Variants in CD200R1 observed in about 807,000 individuals in gnomAD.
CD200R1 encodes CD200 receptor 1, also known as cell surface glycoprotein CD200 receptor 1.
A neutral mutation model predicts 38.1 loss-of-function variants in CD200R1; 30 were observed. That is an observed-to-expected ratio of 0.79 (90% confidence interval 0.59 to 1.07). The LOEUF (loss-of-function observed/expected upper bound fraction) is 1.07. CD200R1 is among the 50% of genes least tolerant of loss of function. The probability of loss-of-function intolerance (pLI) is 0.00; values close to 1 mark genes in which losing one functional copy is unlikely to be tolerated. For missense variants in CD200R1, 372 were observed against 415.4 expected, an observed-to-expected ratio of 0.90 and a Z score of 0.91; for synonymous variants, 128 against 152.1, an observed-to-expected ratio of 0.84 and a Z score of 1.16.
chr3:112,972,111 A>T (rs1392077833), intron 1 of CD200R1, among the ~76,000 whole-genome samples: 1 of 152,256 alleles, frequency 6.6e-6, no homozygotes, highest in African/African-American at 2.4e-5. Flanking sequence ...ACAGACATTA[A>T]TAAGGACTTT....
chr3:112,956,558 A>G (rs752785226), intron 1 of CD200R1, among the ~76,000 whole-genome samples: 14 of 152,008 alleles, frequency 9.2e-5, no homozygotes, highest in Non-Finnish European at 1.9e-4. Flanking sequence ...CTCTCTGGTG[A>G]TGTCATGTTT....
chr3:112,941,527 T>C (rs375481958), intron 2 of CD200R1, among the ~76,000 whole-genome samples: 3 of 151,624 alleles, frequency 2.0e-5, no homozygotes, highest in African/African-American at 7.2e-5. Flanking sequence ...TTCCATAATT[T>C]CTGAGATCAA....
intron 1 of CD200R1, among the ~76,000 whole-genome samples, chr3:112,956,400 C>A (rs1941101115): frequency 6.6e-6 from 1 of 151,580 alleles, no homozygotes; most frequent in African/African-American, 2.4e-5. Flanking sequence ...CTTTTCTGGC[C>A]ACTTAATATT....
At chr3:112,961,661 G>A (rs1933022784) in intron 1 of CD200R1, among the ~76,000 whole-genome samples, 1 of 151,928 alleles carries the variant, frequency 6.6e-6, no homozygotes, top group South Asian at 2.1e-4. Context: ...TCTGACTCTA[G>A]AGAGAATTTG....
intron 3 of CD200R1, among the ~76,000 whole-genome samples, chr3:112,930,407 T>C (rs376285863): frequency 1.3e-4 from 20 of 152,330 alleles, no homozygotes; most frequent in Middle Eastern, 3.4e-3. Context: ...ACAGATTTTA[T>C]TTCTGTATAT....
intron 2 of CD200R1, among the ~76,000 whole-genome samples, chr3:112,935,579 A>G (rs1940555389): frequency 6.6e-6 from 1 of 152,208 alleles, no homozygotes; most frequent in African/African-American, 2.4e-5. Flanking sequence ...GATACAGCAA[A>G]AGCAGCATTA....
intron 5 of CD200R1, among the ~76,000 whole-genome samples, chr3:112,927,351 G>T (rs564801591): frequency 1.3e-5 from 2 of 152,190 alleles, no homozygotes; most frequent in South Asian, 4.1e-4. Flanking sequence ...TGCAGAGCCT[G>T]AACAGCCCCA....
intron 5 of CD200R1, among the ~76,000 whole-genome samples, chr3:112,926,970 A>T (rs1471884385): frequency 1.3e-5 from 2 of 152,100 alleles, no homozygotes; most frequent in Admixed American, 6.6e-5. Context: ...ATAGAAGAAG[A>T]AGTATGTGGA....
intron 2 of CD200R1, among the ~76,000 whole-genome samples, chr3:112,933,042 A>T (rs1284255132): frequency 6.6e-6 from 1 of 152,110 alleles, no homozygotes; most frequent in Non-Finnish European, 1.5e-5. Flanking sequence ...CACCCCCAGG[A>T]ACTGAGAAAC....
At position 112,925,084 on chromosome 3, in the gene CD200R1, C is replaced by A. The variant is rs754459648; in HGVS notation, c.878+1G>T. On this transcript the variant is annotated splice_donor_variant, in intron 6 of 7. Coordinates refer to ENST00000308611, the MANE Select transcript of CD200R1 (RefSeq NM_138806.4). LOFTEE classifies it high-confidence loss of function. ...AGAAAAAAACATTCATTAGTCAATACCTGCAGCCATTGACTTTCAACAACC... is the reference window on the plus strand; with the variant it reads ...AGAAAAAAACATTCATTAGTCAATAACTGCAGCCATTGACTTTCAACAACC... The A allele has an allele frequency of 2.6e-6, 4 of 1,520,556 alleles. No homozygotes were observed. The highest frequency in any genetic ancestry group is 3.6e-6 in the Non-Finnish European group (4 of 1,096,310). The allele number at this position is 1,520,556 out of a possible 1,614,324, so 94.2% of individuals were successfully genotyped here. A position where few individuals can be genotyped will look rare whatever the true frequency, so the allele number is the denominator to read the frequency against.
intron 1 of CD200R1, among the ~76,000 whole-genome samples, chr3:112,956,896 C>T (rs997858403): frequency 6.6e-6 from 1 of 152,210 alleles, no homozygotes; most frequent in African/African-American, 2.4e-5. Flanking sequence ...CTCTAGTCAG[C>T]TGGCAGTGAT....
chr3:112,955,088 T>A (rs1390094803), intron 1 of CD200R1, among the ~76,000 whole-genome samples: 2 of 152,230 alleles, frequency 1.3e-5, no homozygotes, highest in African/African-American at 4.8e-5. Flanking sequence ...TCAGTGTTAA[T>A]TGTTATGGTG....
At chr3:112,924,463 C>T (rs1308133375) in intron 7 of CD200R1, 27 bp downstream of exon 7, 1 of 1,298,822 alleles carries the variant, frequency 7.7e-7, no homozygotes, top group Non-Finnish European at 1.0e-6. Context: ...CTTAAGTTTG[C>T]AATTAGTCTT....
At chr3:112,941,772 C>T (rs529423915) in intron 2 of CD200R1, among the ~76,000 whole-genome samples, 9 of 151,398 alleles carry the variant, frequency 5.9e-5, no homozygotes, top group African/African-American at 1.7e-4. Context: ...ATAACCTACA[C>T]CTAGATGTAT....
At chr3:112,947,423 T>C (rs1186590914) in intron 2 of CD200R1, among the ~76,000 whole-genome samples, 2 of 152,200 alleles carry the variant, frequency 1.3e-5, no homozygotes, top group African/African-American at 4.8e-5. Context: ...TCCACTCAAT[T>C]GTGCTACGAT....
intron 1 of CD200R1, 104 bp downstream of exon 1, chr3:112,974,687 T>C: frequency 1.3e-6 from 1 of 759,868 alleles, no homozygotes; most frequent in South Asian, 1.4e-5. Flanking sequence ...CTATATTTAT[T>C]ATTGCAATTG....
chr3:112,928,801 A>G lies in CD200R1; in HGVS notation c.769+15T>C, dbSNP rs1275596234. The G allele has an allele frequency of 1.9e-6, 3 of 1,562,806 alleles. No individual in the cohort carries two copies. Among genetic ancestry groups the G allele is most frequent in the Non-Finnish European group, 2.6e-6 (3 of 1,148,766 alleles). ...ATGGAAAAAAATAAAAAATAAAACT[A>G]AAAGAATTACTGACCAGGAAGTAGC... On this transcript the variant is annotated intron_variant, in intron 5 of 7. Coordinates refer to ENST00000308611, the MANE Select transcript of CD200R1 (RefSeq NM_138806.4).
At chr3:112,931,292 A>G in intron 2 of CD200R1, 121 bp from the exon 3 acceptor site, 1 of 591,754 alleles carries the variant, frequency 1.7e-6, no homozygotes, top group African/African-American at 1.8e-5. Flanking sequence ...AATTAAAATT[A>G]CACAAAAATC....
At chr3:112,950,418 A>G (rs979475498) in intron 1 of CD200R1, among the ~76,000 whole-genome samples, 1 of 150,144 alleles carries the variant, frequency 6.7e-6, no homozygotes, top group Non-Finnish European at 1.5e-5. Flanking sequence ...AAAAAAAAGG[A>G]AAAAAAAATC....
Sources: gnomAD v4.1 joint callset for allele counts (sites outside exome capture counted in the v4.1 genomes callset) on GRCh38, gnomAD v4.1.1 for gene constraint, MANE v1.5 for transcripts, NCBI Gene and HGNC (gene_info 2026-07-23, HGNC 2026-07-21) for gene names.